The following AGAP1 variants were observed in gnomAD, a reference collection of about 807,000 sequenced individuals.
The protein encoded by AGAP1 is ArfGAP with GTPase domain, ankyrin repeat and PH domain 1, also known as arf-GAP with GTPase, ANK repeat and PH domain-containing protein 1.
Under a neutral mutation model 105.3 loss-of-function variants are expected in AGAP1, and 29 were observed. The ratio of observed to expected loss-of-function variants is 0.28; its 90% CI spans 0.21 to 0.38. The LOEUF (loss-of-function observed/expected upper bound fraction) is 0.38. AGAP1 is among the 10% of genes least tolerant of loss of function. The pLI is 1.00. For synonymous variants in AGAP1, 509 were observed against 485.9 expected (o/e 1.05, Z -0.63); for missense variants, 998 against 1,165.1 (o/e 0.86, Z 2.09).
chr2:236,098,620 C>CTTTTTTCTTTTTTTTTTTTTTTTTTT (rs2059253699), intron 16 of AGAP1, among the ~76,000 whole-genome samples: 1 of 115,256 alleles, frequency 8.7e-6, no homozygotes, highest in African/African-American at 3.9e-5. Context: ...TCTTTTTTTC[C>CTTTTTTCTTTTTTTTTTTTTTTTTTT]TTTTTTTTTT....
chr2:235,992,543 G>C lies in AGAP1; in HGVS notation c.1645+23920G>C, dbSNP rs747698456. On this transcript the variant is annotated intron_variant, in intron 13 of 17. Coordinates refer to ENST00000304032, the MANE Select transcript of AGAP1 (RefSeq NM_001037131.3). The surrounding 1 kb of genome is among the most constrained non-coding windows in gnomAD (Gnocchi z 4.8). ...CCAAATTATGTGCAGTGTATTTTCA[G>C]ATTTTATTGACTCACCTAAGAAAGG... 6.6e-6 allele frequency among the ~76,000 whole-genome samples: 1 copy of C among 152,228 alleles called. No homozygotes were observed. Among genetic ancestry groups the C allele is most frequent in the Non-Finnish European group, 1.5e-5 (1 of 68,044 alleles).
rs1227568318 is a variant in AGAP1, at chr2:235,867,573, G to GTGTGTGTGTGTGTGCA, written c.1051-15770_1051-15769insTGTGTGTGTGTGCATG. On this transcript the variant is annotated intron_variant, in intron 9 of 17. Coordinates refer to ENST00000304032, the MANE Select transcript of AGAP1 (RefSeq NM_001037131.3). The surrounding 1 kb of genome is among the most constrained non-coding windows in gnomAD (Gnocchi z 5.4). ...TGTGTGTGTGTGTGTGTGTGTGTGTGTGCAAGTGAGGGAGGGTGACCCCCA... is the reference window on the plus strand; with the variant it reads ...TGTGTGTGTGTGTGTGTGTGTGTGTGTGTGTGTGTGTGTGCATGCAAGTGAGGGAGGGTGACCCCCA... Among the ~76,000 whole-genome samples, 1 of 90,184 alleles carries GTGTGTGTGTGTGTGCA rather than the reference G, an allele frequency of 1.1e-5. No homozygotes were observed. The highest frequency in any genetic ancestry group is 2.8e-5 in the Non-Finnish European group (1 of 36,106). 59.2% of individuals were successfully genotyped at this position (90,184 alleles called of 152,430 possible).
Position 235,559,464 on chromosome 2 carries a change from C to T in AGAP1, c.163+64615C>T, listed in dbSNP as rs905255018. Among the ~76,000 whole-genome samples the T allele has an allele frequency of 3.3e-5, 5 of 152,080 alleles. No homozygotes were observed. Among genetic ancestry groups the T allele is most frequent in the African/African-American group, 7.2e-5 (3 of 41,396 alleles). On this transcript the variant is annotated intron_variant, in intron 1 of 17. Coordinates refer to ENST00000304032, the MANE Select transcript of AGAP1 (RefSeq NM_001037131.3). The surrounding 1 kb of genome is among the most constrained non-coding windows in gnomAD (Gnocchi z 5.7). ...ACGTTAGTGTCGGTATCTCTCATTG[C>T]GAACATTCTTCTCTAAGGTTGAAAA... is the stretch of plus-strand genomic sequence containing the variant.
intron 1 of AGAP1, among the ~76,000 whole-genome samples, chr2:235,676,374 CA>C (rs1288313969): frequency 6.6e-6 from 1 of 152,188 alleles, no homozygotes; most frequent in Non-Finnish European, 1.5e-5. Flanking sequence ...CTGTGCTTGA[CA>C]CATAGATTTT....
chr2:236,094,538 GA>G (rs1383684768), intron 16 of AGAP1, among the ~76,000 whole-genome samples: 2 of 151,758 alleles, frequency 1.3e-5, no homozygotes, highest in Non-Finnish European at 2.9e-5. Context: ...TTTTTGTAGA[GA>G]CCAGGCTTCA....
chr2:235,878,545 T>C (rs1402756196), intron 9 of AGAP1, among the ~76,000 whole-genome samples: 3 of 152,066 alleles, frequency 2.0e-5, no homozygotes, highest in Admixed American at 6.5e-5. Context: ...CTAGTCGGGT[T>C]GAGATTTCTT....
intron 6 of AGAP1, among the ~76,000 whole-genome samples, chr2:235,767,862 G>A (rs1955103002): frequency 7.5e-6 from 1 of 133,476 alleles, no homozygotes; most frequent in South Asian, 2.4e-4. Flanking sequence ...TGGACTCACT[G>A]CAACCTCCGC....
At chr2:235,648,423 C>G (rs1947464082) in intron 1 of AGAP1, among the ~76,000 whole-genome samples, 1 of 152,188 alleles carries the variant, frequency 6.6e-6, no homozygotes, top group Non-Finnish European at 1.5e-5. Context: ...CATGACAGCT[C>G]TGCACTCACT....
At chr2:235,954,905 G>A (rs1030274483) in intron 12 of AGAP1, among the ~76,000 whole-genome samples, 1 of 152,124 alleles carries the variant, frequency 6.6e-6, no homozygotes, top group Admixed American at 6.5e-5. Flanking sequence ...GTGTCTGGAT[G>A]TTGTCTAGCC....
At chr2:235,563,665 G>T (rs577124946) in intron 1 of AGAP1, among the ~76,000 whole-genome samples, 5 of 152,140 alleles carry the variant, frequency 3.3e-5, no homozygotes, top group Non-Finnish European at 7.3e-5. Flanking sequence ...GGCTGTCTGG[G>T]TAAGTTCTAG....
Position 235,680,703 on chromosome 2 carries a change from G to A in AGAP1, c.164-28476G>A, listed in dbSNP as rs543205596. 7.9e-5 allele frequency among the ~76,000 whole-genome samples: 12 copies of A among 151,992 alleles called. No individual in the cohort carries two copies. In the East Asian group the frequency reaches 1.9e-3, roughly 25 times the overall value. ...GTACCTGCCAGGAGCATCCTGGCGC[G>A]GGTCTCCTGCCTGAGCTTCTCCTTG... On this transcript the variant is annotated intron_variant, in intron 1 of 17. Coordinates refer to ENST00000304032, the MANE Select transcript of AGAP1 (RefSeq NM_001037131.3).
At chr2:235,838,476 A>G (rs1960428845) in intron 9 of AGAP1, among the ~76,000 whole-genome samples, 1 of 152,206 alleles carries the variant, frequency 6.6e-6, no homozygotes, top group Non-Finnish European at 1.5e-5. Context: ...AAGTGTTCAG[A>G]AAATCTGAAG....
At chr2:235,500,235 G>A (rs1941503381) in intron 1 of AGAP1, among the ~76,000 whole-genome samples, 1 of 152,080 alleles carries the variant, frequency 6.6e-6, no homozygotes, top group African/African-American at 2.4e-5. Flanking sequence ...ACAAATGGGT[G>A]ACAGCCTGTG....
chr2:236,086,149 C>A (rs959938759), intron 16 of AGAP1, among the ~76,000 whole-genome samples: 4 of 152,214 alleles, frequency 2.6e-5, no homozygotes, highest in Non-Finnish European at 5.9e-5. Flanking sequence ...TAATTGGATT[C>A]TAAATTCTAA....
At chr2:235,520,508 G>A (rs868665402) in intron 1 of AGAP1, among the ~76,000 whole-genome samples, 5 of 152,086 alleles carry the variant, frequency 3.3e-5, no homozygotes, top group African/African-American at 1.2e-4. Context: ...TAGGTTTTTA[G>A]CTTTTGTTTG....
chr2:235,697,411 G>C (rs531169985), intron 1 of AGAP1, among the ~76,000 whole-genome samples: 48 of 152,286 alleles, frequency 3.2e-4, no homozygotes, highest in Non-Finnish European at 4.9e-4. Flanking sequence ...CACATTAAGT[G>C]CCCAGTGCCC....
chr2:236,037,569 T>C (rs998694255), intron 14 of AGAP1, among the ~76,000 whole-genome samples: 14 of 152,042 alleles, frequency 9.2e-5, no homozygotes, highest in Non-Finnish European at 2.1e-4. Flanking sequence ...GTATATTTAT[T>C]TATGTAATAT....
Position 235,577,123 on chromosome 2 carries a change from C to T in AGAP1, c.163+82274C>T, listed in dbSNP as rs913702627. 3.9e-5 allele frequency among the ~76,000 whole-genome samples: 6 copies of T among 152,094 alleles called. No homozygotes were observed. ...TGTCCAGTGGAAGTAGAATGCCAGC[C>T]ACATACGTCATTTAAAGTTTTCTAC... is the stretch of plus-strand genomic sequence containing the variant. On this transcript the variant is annotated intron_variant, in intron 1 of 17. Coordinates refer to ENST00000304032, the MANE Select transcript of AGAP1 (RefSeq NM_001037131.3). This position sits in a 1 kb window ranked among gnomAD's most constrained non-coding sequence, Gnocchi z 4.5.
chr2:235,591,669 G>A lies in AGAP1; in HGVS notation c.163+96820G>A, dbSNP rs150330828. Among the ~76,000 whole-genome samples, 595 of 152,292 alleles carry A rather than the reference G, an allele frequency of 3.9e-3. 8 individuals carry two copies. The highest frequency in any genetic ancestry group is 0.028 in the South Asian group (134 of 4,818). On this transcript the variant is annotated intron_variant, in intron 1 of 17. Transcript: ENST00000304032. ...GTGTTGGAAGCGAGGCCTAGTGCAG[G>A]TGCTTGGGTCATGGGGGTGAATCCT...
Sources: allele counts gnomAD v4.1 joint callset (sites outside exome capture counted in the v4.1 genomes callset), GRCh38; gene constraint gnomAD v4.1.1; non-coding constraint Gnocchi (gnomAD v3.1); transcripts MANE v1.5; gene names NCBI Gene and HGNC (gene_info 2026-07-23, HGNC 2026-07-21).